Variants in MYO3B observed in about 807,000 individuals in gnomAD.
The protein encoded by MYO3B is myosin-IIIb.
MYO3B carries 156 observed loss-of-function variants against 174.6 expected under a neutral mutation model. That is an observed-to-expected ratio of 0.89 (90% CI 0.78 to 1.02). The LOEUF is 1.02. Among genes scored for constraint, MYO3B ranks in the 50% least tolerant of loss-of-function variants. The pLI, the probability that MYO3B is intolerant of heterozygous loss-of-function variation, is 0.00. For missense variants in MYO3B, 1,632 were observed against 1,639.4 expected (o/e 1.00, Z 0.08); for synonymous variants, 563 against 569.1 (o/e 0.99, Z 0.15).
chr2:170,215,886 T>C (rs2092822646), intron 5 of MYO3B, among the ~76,000 whole-genome samples: 1 of 152,196 alleles, frequency 6.6e-6, no homozygotes, highest in South Asian at 2.1e-4. Context: ...GGGGTGGGAA[T>C]TGATACTGAT....
At chr2:170,527,747 A>C (rs964120406) in intron 30 of MYO3B, among the ~76,000 whole-genome samples, 1 of 152,254 alleles carries the variant, frequency 6.6e-6, no homozygotes. Context: ...TACTTACCTC[A>C]TGCCGCCATT....
chr2:170,247,682 C>T (rs2093206729), intron 7 of MYO3B, among the ~76,000 whole-genome samples: 1 of 152,164 alleles, frequency 6.6e-6, no homozygotes, highest in Admixed American at 6.5e-5. Flanking sequence ...TGAGGGCTCA[C>T]TTTCTGGTTC....
chr2:170,432,640 G>C (rs148507407), intron 22 of MYO3B, among the ~76,000 whole-genome samples: 1 of 150,780 alleles, frequency 6.6e-6, no homozygotes, highest in Non-Finnish European at 1.5e-5. Flanking sequence ...GCAGTGGCAC[G>C]ATCTCGGCTC....
chr2:170,456,458 T>TG (rs1559018749), intron 23 of MYO3B, among the ~76,000 whole-genome samples: 1 of 152,062 alleles, frequency 6.6e-6, no homozygotes, highest in African/African-American at 2.4e-5. Context: ...GATTAAGAGA[T>TG]GGGGGTTGGG....
At chr2:170,634,031 G>A (rs528888131) in intron 32 of MYO3B, among the ~76,000 whole-genome samples, 130 of 152,186 alleles carry the variant, frequency 8.5e-4, no homozygotes, top group Admixed American at 1.8e-3. Flanking sequence ...TGTGAAAATG[G>A]CCATACTGCC....
chr2:170,551,556 A>T (rs898998691), intron 32 of MYO3B, among the ~76,000 whole-genome samples: 44 of 145,350 alleles, frequency 3.0e-4, no homozygotes, highest in African/African-American at 1.2e-3. Flanking sequence ...AAAAAAAAAA[A>T]AAAAAAAAAA....
chr2:170,607,302 C>T (rs955216379), intron 32 of MYO3B, among the ~76,000 whole-genome samples: 1 of 152,130 alleles, frequency 6.6e-6, no homozygotes, highest in African/African-American at 2.4e-5. Flanking sequence ...ATAAACAATC[C>T]CCACAACTTC....
intron 7 of MYO3B, among the ~76,000 whole-genome samples, chr2:170,250,749 TG>T (rs905742359): frequency 1.3e-5 from 2 of 151,772 alleles, no homozygotes; most frequent in African/African-American, 4.8e-5. Context: ...TTTTATTGGG[TG>T]GTGGAGGTGG....
chr2:170,411,251 A>G (rs1012970793), intron 22 of MYO3B, among the ~76,000 whole-genome samples: 2 of 152,182 alleles, frequency 1.3e-5, no homozygotes, highest in African/African-American at 2.4e-5. Context: ...ATAGTCATGC[A>G]TAGCTTAATG....
At chr2:170,389,206 G>T (rs1326656803) in intron 14 of MYO3B, among the ~76,000 whole-genome samples, 3 of 152,174 alleles carry the variant, frequency 2.0e-5, no homozygotes, top group African/African-American at 7.2e-5. Context: ...ATGAAGAGAA[G>T]ATGGGGCCTG....
At chr2:170,447,447 A>G (rs1381514785) in intron 23 of MYO3B, among the ~76,000 whole-genome samples, 1 of 152,224 alleles carries the variant, frequency 6.6e-6, no homozygotes, top group Non-Finnish European at 1.5e-5. Context: ...AGGGAGCGCT[A>G]ACTAAGAACA....
chr2:170,625,186 C>A (rs1055682911), intron 32 of MYO3B, among the ~76,000 whole-genome samples: 2 of 152,166 alleles, frequency 1.3e-5, no homozygotes, highest in Non-Finnish European at 2.9e-5. Flanking sequence ...GCTGTGAATC[C>A]GTCTGGTCCT....
intron 30 of MYO3B, among the ~76,000 whole-genome samples, chr2:170,539,011 G>A (rs6752204): frequency 0.8 from 121,665 of 152,180 alleles, 50,208 homozygotes; most frequent in Non-Finnish European, 0.92. Context: ...CCTTAATATC[G>A]TCCCATACCA....
At chr2:170,630,278 C>A (rs1559177936) in intron 32 of MYO3B, among the ~76,000 whole-genome samples, 1 of 152,182 alleles carries the variant, frequency 6.6e-6, no homozygotes, top group Non-Finnish European at 1.5e-5. Context: ...GCAGTGGGTC[C>A]CACCCCCATG....
In MYO3B at chr2:170,450,891, G is replaced by A. The variant is rs114699346; in HGVS notation, c.2730+6845G>A. Reference sequence around the variant, plus strand: ...TCAGTGTGCTTTTATTTTAATGTTTGAGCTATAGAAAAATACTAAACAATT... The same window carrying A: ...TCAGTGTGCTTTTATTTTAATGTTTAAGCTATAGAAAAATACTAAACAATT... On this transcript the variant is annotated intron_variant, in intron 23 of 34. Transcript: ENST00000408978. Among the ~76,000 whole-genome samples the A allele has an allele frequency of 2.9e-3, 446 of 152,200 alleles. 3 individuals carry two copies. The highest frequency in any genetic ancestry group is 0.01 in the African/African-American group (430 of 41,532).
chr2:170,406,716 G>A (rs573134784), intron 21 of MYO3B, among the ~76,000 whole-genome samples: 1 of 151,836 alleles, frequency 6.6e-6, no homozygotes, highest in Non-Finnish European at 1.5e-5. Context: ...CTTGATTTTA[G>A]GGGAAAAACT....
chr2:170,439,847 AT>A (rs1309723835), intron 22 of MYO3B, among the ~76,000 whole-genome samples: 1 of 151,854 alleles, frequency 6.6e-6, no homozygotes, highest in Non-Finnish European at 1.5e-5. Context: ...CGCCCGGCTA[AT>A]TTTTTGTGTT....
At chr2:170,532,977 A>G (rs898128070) in intron 30 of MYO3B, among the ~76,000 whole-genome samples, 1 of 152,210 alleles carries the variant, frequency 6.6e-6, no homozygotes, top group African/African-American at 2.4e-5. Flanking sequence ...TCCTTATACT[A>G]TTCTTGCATC....
Position 170,641,415 on chromosome 2 carries a change from T to C in MYO3B, c.3734-10213T>C, listed in dbSNP as rs563796579. On this transcript the variant is annotated intron_variant, in intron 32 of 34. Transcript: ENST00000408978. ...ATTGAAAAAAACAAATCATAAGTTT[T>C]TAAAATATGCATACCTTTGGCCAGT... is the stretch of plus-strand genomic sequence containing the variant. 1.6e-4 allele frequency: 25 copies of C among 152,330 alleles called. No homozygotes were observed. The South Asian group carries it at 5.0e-3, about 30-fold the overall frequency. The allele number at this position is 152,330 out of a possible 1,614,324, so 9.4% of individuals were successfully genotyped here.
Sources: gnomAD v4.1 joint callset for allele counts (sites outside exome capture counted in the v4.1 genomes callset) on GRCh38, gnomAD v4.1.1 for gene constraint, MANE v1.5 for transcripts, NCBI Gene and HGNC (gene_info 2026-07-23, HGNC 2026-07-21) for gene names.